KIRREL3: variants seen among roughly 807,000 people sequenced by gnomAD.
KIRREL3 encodes kirre like nephrin family adhesion molecule 3.
KIRREL3 carries 36 observed loss-of-function variants against 89.7 expected under a neutral mutation model. The observed-to-expected ratio is 0.40, with a 90% CI of 0.31 to 0.53. The LOEUF is 0.53. KIRREL3 is among the 20% of genes least tolerant of loss of function. The pLI, the probability that KIRREL3 is intolerant of heterozygous loss-of-function variation, is 0.49. For synonymous variants in KIRREL3, 445 were observed against 441.4 expected (o/e 1.01, Z -0.10); for missense variants, 864 against 1,056.6 (o/e 0.82, Z 2.53).
rs537014215 is a variant in KIRREL3 at position 126,715,777 on chromosome 11, A to G, written c.56-152865T>C. Reference sequence around the variant, plus strand: ...CACAAGAGCAAGAGGGAAGACAGAGAATGTTCAAACACCATCCACGATGAA... The same window carrying G: ...CACAAGAGCAAGAGGGAAGACAGAGGATGTTCAAACACCATCCACGATGAA... On this transcript the variant is annotated intron_variant, in intron 1 of 16. Transcript: ENST00000525144. The surrounding 1 kb of genome is among the most constrained non-coding windows in gnomAD (Gnocchi z 4.4). Among the ~76,000 whole-genome samples, 160 of 152,248 alleles carry G rather than the reference A, an allele frequency of 1.1e-3. 2 individuals carry two copies. The South Asian group carries it at 0.024, about 23-fold the overall frequency.
chr11:126,439,555 G>A (rs1381654997), intron 11 of KIRREL3, among the ~76,000 whole-genome samples: 4 of 150,484 alleles, frequency 2.7e-5, no homozygotes, highest in Admixed American at 6.6e-5. Context: ...GGTGGCTCAC[G>A]CCTGTAATCC....
intron 1 of KIRREL3, among the ~76,000 whole-genome samples, chr11:126,657,431 A>G (rs1945199139): frequency 6.6e-6 from 1 of 152,194 alleles, no homozygotes; most frequent in African/African-American, 2.4e-5. Context: ...CCAACCCAGA[A>G]AGACATGGAT....
chr11:126,849,699 T>C (rs1378886251), intron 1 of KIRREL3, among the ~76,000 whole-genome samples: 2 of 152,060 alleles, frequency 1.3e-5, no homozygotes, highest in Non-Finnish European at 1.5e-5. Context: ...GGGCACTTGA[T>C]GGTCATGATG....
intron 2 of KIRREL3, among the ~76,000 whole-genome samples, chr11:126,556,183 C>A (rs1939692786): frequency 1.3e-5 from 2 of 151,974 alleles, no homozygotes; most frequent in South Asian, 4.2e-4. Flanking sequence ...TGCAAGGAGC[C>A]AGTTAGGAGA....
intron 1 of KIRREL3, among the ~76,000 whole-genome samples, chr11:126,919,423 C>A (rs1239879933): frequency 5.3e-5 from 8 of 152,208 alleles, no homozygotes; most frequent in African/African-American, 1.9e-4. Flanking sequence ...GTTTACGGAT[C>A]TGGAGGATGG....
chr11:126,500,712 C>T (rs1183736363), intron 4 of KIRREL3, among the ~76,000 whole-genome samples: 1 of 148,310 alleles, frequency 6.7e-6, no homozygotes, highest in East Asian at 1.9e-4. Flanking sequence ...TGCACTATAG[C>T]CTGGGCAACA....
chr11:126,847,665 T>C (rs1034067151), intron 1 of KIRREL3, among the ~76,000 whole-genome samples: 1 of 152,156 alleles, frequency 6.6e-6, no homozygotes, highest in African/African-American at 2.4e-5. Context: ...TGAAGTAATC[T>C]TTTTTAACTT....
In KIRREL3 at chr11:126,594,298, G is replaced by A. The variant is rs965721516; in HGVS notation, c.56-31386C>T. ...GGGTCGGAGCCACAGGATTCATGGC[G>A]TACTGTGATTTTTTTGTTGTTGCTA... On this transcript the variant is annotated intron_variant, in intron 1 of 16. Transcript: ENST00000525144. The surrounding 1 kb of genome is among the most constrained non-coding windows in gnomAD (Gnocchi z 5.0). Among the ~76,000 whole-genome samples the A allele has an allele frequency of 1.4e-5, 2 of 142,744 alleles. No homozygotes were observed. Among genetic ancestry groups the A allele is most frequent in the African/African-American group, 4.9e-5 (2 of 41,224 alleles). 93.6% of individuals were successfully genotyped at this position (142,744 alleles called of 152,430 possible). A position where few individuals can be genotyped will look rare whatever the true frequency, so the allele number is the denominator to read the frequency against.
At position 126,990,305 on chromosome 11, in the gene KIRREL3, C is replaced by T. The variant is rs1194842837; in HGVS notation, c.55+10150G>A. ...CCCCTTAGCTGCTGCCACCCTTCAT[C>T]CGGATCCCCTCAAACACTCCACCCT... On this transcript the variant is annotated intron_variant, in intron 1 of 16. Coordinates refer to ENST00000525144, the MANE Select transcript of KIRREL3 (RefSeq NM_032531.4). The surrounding 1 kb of genome is among the most constrained non-coding windows in gnomAD (Gnocchi z 6.3). Among the ~76,000 whole-genome samples, 4 of 152,164 alleles carry T rather than the reference C, an allele frequency of 2.6e-5. No individual in the cohort carries two copies. Among genetic ancestry groups the T allele is most frequent in the African/African-American group, 9.7e-5 (4 of 41,428 alleles).
At chr11:126,858,345 A>T (rs1327547733) in intron 1 of KIRREL3, among the ~76,000 whole-genome samples, 1 of 152,218 alleles carries the variant, frequency 6.6e-6, no homozygotes, top group African/African-American at 2.4e-5. Flanking sequence ...TTTCTTCTTA[A>T]TACACTAAAG....
At position 126,796,313 on chromosome 11, in the gene KIRREL3, C is replaced by T. The variant is rs889610990; in HGVS notation, c.55+204142G>A. ...GGCTCGATCCATGTGAGTTCCCTGG[C>T]TTGCTGATCCCAGACTGGGCTGACC... On this transcript the variant is annotated intron_variant, in intron 1 of 16. Coordinates refer to ENST00000525144, the MANE Select transcript of KIRREL3 (RefSeq NM_032531.4). This position sits in a 1 kb window ranked among gnomAD's most constrained non-coding sequence, Gnocchi z 5.1. Among the ~76,000 whole-genome samples the T allele has an allele frequency of 1.3e-5, 2 of 152,162 alleles. No homozygotes were observed. Among genetic ancestry groups the T allele is most frequent in the African/African-American group, 4.8e-5 (2 of 41,416 alleles).
chr11:126,487,317 C>T (rs988677860), intron 4 of KIRREL3, among the ~76,000 whole-genome samples: 4 of 151,996 alleles, frequency 2.6e-5, no homozygotes, highest in African/African-American at 9.7e-5. Flanking sequence ...CAGGGCGGGG[C>T]GTGGGGTGCA....
At position 126,860,264 on chromosome 11, in the gene KIRREL3, G is replaced by A. The variant is rs1258251229; in HGVS notation, c.55+140191C>T. Among the ~76,000 whole-genome samples, 1 of 152,122 alleles carries A rather than the reference G, an allele frequency of 6.6e-6. No individual in the cohort carries two copies. The highest frequency in any genetic ancestry group is 1.5e-5 in the Non-Finnish European group (1 of 68,028). On this transcript the variant is annotated intron_variant, in intron 1 of 16. Transcript: ENST00000525144. This position sits in a 1 kb window ranked among gnomAD's most constrained non-coding sequence, Gnocchi z 4.6. ...AACACCACACTGTGAGCTCCCAGAGGGTAGGAACTGACACTTAAATGTGTA... is the reference window on the plus strand; with the variant it reads ...AACACCACACTGTGAGCTCCCAGAGAGTAGGAACTGACACTTAAATGTGTA...
intron 10 of KIRREL3, among the ~76,000 whole-genome samples, chr11:126,444,034 A>C (rs1022667370): frequency 3.3e-5 from 5 of 152,104 alleles, no homozygotes; most frequent in African/African-American, 1.2e-4. Context: ...CTGGTGCCAC[A>C]ACCTTCTTGG....
chr11:126,717,717 C>T (rs1948021337), intron 1 of KIRREL3, among the ~76,000 whole-genome samples: 1 of 152,204 alleles, frequency 6.6e-6, no homozygotes, highest in African/African-American at 2.4e-5. Flanking sequence ...TGAGCCACAA[C>T]ATAAAACACT....
At position 126,764,721 on chromosome 11, in the gene KIRREL3, C is replaced by T. The variant is rs1039336341; in HGVS notation, c.56-201809G>A. Among the ~76,000 whole-genome samples, 1 of 152,134 alleles carries T rather than the reference C, an allele frequency of 6.6e-6. No homozygotes were observed. The highest frequency in any genetic ancestry group is 2.4e-5 in the African/African-American group (1 of 41,438). Reference sequence around the variant, plus strand: ...TGAATGCTGCTTTTATGTTATTGCACACATGAGTGGAACATACTATCCAGC... The same window carrying T: ...TGAATGCTGCTTTTATGTTATTGCATACATGAGTGGAACATACTATCCAGC... On this transcript the variant is annotated intron_variant, in intron 1 of 16. Transcript: ENST00000525144. This position sits in a 1 kb window ranked among gnomAD's most constrained non-coding sequence, Gnocchi z 4.2.
At chr11:126,799,170 G>A (rs1410307646) in intron 1 of KIRREL3, among the ~76,000 whole-genome samples, 1 of 79,976 alleles carries the variant, frequency 1.3e-5, no homozygotes, top group Non-Finnish European at 2.4e-5. Flanking sequence ...GTATGTGTGT[G>A]TATGTGTGTA....
rs142839932 is a variant in KIRREL3, at chr11:126,814,278, G to A, written c.55+186177C>T. On this transcript the variant is annotated intron_variant, in intron 1 of 16. Coordinates refer to ENST00000525144, the MANE Select transcript of KIRREL3 (RefSeq NM_032531.4). This position sits in a 1 kb window ranked among gnomAD's most constrained non-coding sequence, Gnocchi z 4.4. ...TCAAAAAGCAACAGATGCTGGCGAGGTTATGGAGAAAAAGGAATGCTTTTA... is the reference window on the plus strand; with the variant it reads ...TCAAAAAGCAACAGATGCTGGCGAGATTATGGAGAAAAAGGAATGCTTTTA... Among the ~76,000 whole-genome samples, 76 of 152,252 alleles carry A rather than the reference G, an allele frequency of 5.0e-4. 1 individual carries two copies. The East Asian group carries it at 0.014, about 28-fold the overall frequency.
intron 7 of KIRREL3, among the ~76,000 whole-genome samples, chr11:126,451,145 G>A (rs367658454): frequency 0.011 from 1,632 of 151,690 alleles, 29 homozygotes; most frequent in African/African-American, 0.037. Context: ...GTGTGTGCAT[G>A]TGTAAATGTG....
Sources: gnomAD v4.1 joint callset for allele counts (sites outside exome capture counted in the v4.1 genomes callset) on GRCh38, gnomAD v4.1.1 for gene constraint, Gnocchi (gnomAD v3.1) non-coding constraint, MANE v1.5 for transcripts, NCBI Gene and HGNC (gene_info 2026-07-23, HGNC 2026-07-21) for gene names.